The following FGF14 variants were observed in gnomAD, a reference collection of about 807,000 sequenced individuals.
FGF14 encodes the protein fibroblast growth factor 14, also known as fibroblast growth factor homologous factor 4.
FGF14 carries 5 observed loss-of-function variants against 25.5 expected under a neutral mutation model. The observed-to-expected ratio is 0.20, with a 90% confidence interval of 0.10 to 0.41. The LOEUF is 0.41. Among genes scored for constraint, FGF14 ranks in the 10% least tolerant of loss-of-function variants. FGF14 has a pLI of 1.00. For missense variants in FGF14, 222 were observed against 320.1 expected (o/e 0.69, Z 2.34); for synonymous variants, 138 against 118.3 (o/e 1.17, Z -1.08).
chr13:102,157,011 C>T (rs910365967), intron 1 of FGF14, among the ~76,000 whole-genome samples: 2 of 152,236 alleles, frequency 1.3e-5, no homozygotes, highest in Non-Finnish European at 2.9e-5. Flanking sequence ...TAAAAGATGA[C>T]ACAAACAAAT....
At chr13:102,030,329 C>T (rs1192590431) in intron 1 of FGF14, among the ~76,000 whole-genome samples, 2 of 151,958 alleles carry the variant, frequency 1.3e-5, no homozygotes, top group African/African-American at 4.8e-5. Context: ...AGCACATGCC[C>T]CCACATGCCT....
At chr13:101,785,218 T>A (rs372952562) in intron 3 of FGF14, among the ~76,000 whole-genome samples, 3 of 151,906 alleles carry the variant, frequency 2.0e-5, no homozygotes, top group African/African-American at 7.2e-5. Context: ...TATAGATATG[T>A]AAATTATTCA....
chr13:102,371,531 A>G (rs1012075853), intron 1 of FGF14, among the ~76,000 whole-genome samples: 9 of 152,132 alleles, frequency 5.9e-5, no homozygotes, highest in Admixed American at 5.2e-4. Flanking sequence ...TCTCAGAAGC[A>G]ATTCATTTCA....
chr13:101,888,625 C>T (rs926004475), intron 1 of FGF14, among the ~76,000 whole-genome samples: 18 of 152,092 alleles, frequency 1.2e-4, no homozygotes, highest in Non-Finnish European at 2.9e-5. Context: ...ATAACAAGAT[C>T]ATTAGTAGAC....
chr13:102,228,599 C>G (rs2050935026), intron 1 of FGF14, among the ~76,000 whole-genome samples: 1 of 152,078 alleles, frequency 6.6e-6, no homozygotes, highest in Admixed American at 6.6e-5. Context: ...GGCACCAAAC[C>G]CTTTGCTAAG....
intron 1 of FGF14, among the ~76,000 whole-genome samples, chr13:102,187,518 G>C (rs955198744): frequency 1.2e-4 from 18 of 152,186 alleles, no homozygotes; most frequent in Non-Finnish European, 5.9e-5. Context: ...ATCCGCAACA[G>C]CCTCTAAGGG....
intron 1 of FGF14, among the ~76,000 whole-genome samples, chr13:101,967,099 T>C (rs1031990339): frequency 6.6e-6 from 1 of 152,212 alleles, no homozygotes; most frequent in African/African-American, 2.4e-5. Context: ...TGACATTCAT[T>C]AGGTTCTGTA....
At chr13:102,371,377 T>C (rs1347506067) in intron 1 of FGF14, among the ~76,000 whole-genome samples, 2 of 152,116 alleles carry the variant, frequency 1.3e-5, no homozygotes, top group Admixed American at 6.6e-5. Flanking sequence ...GGTTTTTTTA[T>C]TCTTTTTTAC....
chr13:101,807,595 G>T (rs2041272527), intron 3 of FGF14, among the ~76,000 whole-genome samples: 1 of 152,000 alleles, frequency 6.6e-6, no homozygotes, highest in African/African-American at 2.4e-5. Flanking sequence ...AATTTGGAAA[G>T]AATAAAATAT....
At position 102,346,846 on chromosome 13, in the gene FGF14, G is replaced by A. The variant is rs558649565; in HGVS notation, c.208+54625C>T. On this transcript the variant is annotated intron_variant, in intron 1 of 4. Coordinates refer to the FGF14 transcript ENST00000376131. The stretch of plus-strand genomic sequence containing the variant: ...GACTAGCGAGGCATTGCAGTGATCA[G>A]AATTTTAGTATTAGTCAACAATATG... 1.8e-3 allele frequency among the ~76,000 whole-genome samples: 270 copies of A among 152,194 alleles called. 2 individuals are homozygous for A. Among genetic ancestry groups the A allele is most frequent in the African/African-American group, 6.3e-3 (263 of 41,512 alleles).
intron 3 of FGF14, among the ~76,000 whole-genome samples, chr13:101,829,989 G>A (rs1043630663): frequency 1.3e-4 from 20 of 152,078 alleles, no homozygotes; most frequent in African/African-American, 3.9e-4. Flanking sequence ...ACAGGCACTG[G>A]GTGAGAATAG....
rs1342751175 is a variant in FGF14 at position 101,721,522 on chromosome 13, G to A, written c.*1309C>T. The A allele has an allele frequency of 6.6e-6, 1 of 152,094 alleles. No homozygotes were observed. Among genetic ancestry groups the A allele is most frequent in the African/African-American group, 2.4e-5 (1 of 41,426 alleles). 9.4% of individuals were successfully genotyped at this position (152,094 alleles called of 1,614,324 possible). A position where few individuals can be genotyped will look rare whatever the true frequency, so the allele number is the denominator to read the frequency against. The stretch of plus-strand genomic sequence containing the variant: ...CTCTAACCCAGCCACTGGGCAACAT[G>A]AGCCCCAGATGCTGAGCTAGAGGCA... On this transcript the variant is annotated 3_prime_UTR_variant, in exon 5 of 5. Coordinates refer to ENST00000376143, the MANE Select transcript of FGF14 (RefSeq NM_004115.4).
chr13:101,948,724 G>GA (rs1229348117), intron 1 of FGF14, among the ~76,000 whole-genome samples: 1 of 151,788 alleles, frequency 6.6e-6, no homozygotes, highest in Non-Finnish European at 1.5e-5. Flanking sequence ...TTTTAATTAT[G>GA]AAAAAAGAAC....
At chr13:102,289,039 T>C (rs1383030188) in intron 1 of FGF14, among the ~76,000 whole-genome samples, 2 of 152,190 alleles carry the variant, frequency 1.3e-5, no homozygotes, top group Admixed American at 1.3e-4. Flanking sequence ...CTAAATTGAT[T>C]TATTGACCCT....
chr13:102,159,635 T>G (rs777370959), intron 1 of FGF14, among the ~76,000 whole-genome samples: 1 of 152,208 alleles, frequency 6.6e-6, no homozygotes, highest in Admixed American at 6.6e-5. Flanking sequence ...TGTGTGCTTA[T>G]TGCCTTATGA....
At chr13:101,759,757 G>C (rs1226211342) in intron 3 of FGF14, among the ~76,000 whole-genome samples, 3 of 152,110 alleles carry the variant, frequency 2.0e-5, no homozygotes, top group African/African-American at 7.2e-5. Flanking sequence ...TTAAGATCCT[G>C]TCCTATTTAG....
At chr13:101,967,138 CT>C (rs2037260842) in intron 1 of FGF14, among the ~76,000 whole-genome samples, 1 of 152,200 alleles carries the variant, frequency 6.6e-6, no homozygotes, top group Non-Finnish European at 1.5e-5. Context: ...TGCTTTTGGG[CT>C]TCCTGCATCT....
At chr13:102,033,381 G>A (rs890709432) in intron 1 of FGF14, among the ~76,000 whole-genome samples, 4 of 152,076 alleles carry the variant, frequency 2.6e-5, no homozygotes, top group African/African-American at 4.8e-5. Context: ...CATGACAAGG[G>A]AAGCCTTAGC....
At chr13:101,868,870 A>G in intron 2 of FGF14, 42 bp from the exon 3 acceptor site, 1 of 1,249,004 alleles carries the variant, frequency 8.0e-7, no homozygotes, top group Non-Finnish European at 1.2e-6. Flanking sequence ...GGCAGGAAGA[A>G]GCAGGGCAGA....
Sources: gnomAD v4.1 joint callset for allele counts (sites outside exome capture counted in the v4.1 genomes callset) on GRCh38, gnomAD v4.1.1 for gene constraint, MANE v1.5 for transcripts, NCBI Gene and HGNC (gene_info 2026-07-23, HGNC 2026-07-21) for gene names.